The following COG6 variants were observed in gnomAD, a reference collection of about 807,000 sequenced individuals.
COG6 encodes the protein conserved oligomeric Golgi complex subunit 6.
In COG6, 74 loss-of-function variants were observed where a neutral mutation model predicts 88.8. The observed-to-expected ratio is 0.83, with a 90% CI of 0.69 to 1.01. COG6 has a LOEUF of 1.01. COG6 is among the 50% of genes least tolerant of loss of function. The pLI, the probability that COG6 is intolerant of heterozygous loss-of-function variation, is 0.00. For synonymous variants in COG6, 286 were observed against 278.7 expected (o/e 1.03, Z -0.26); for missense variants, 800 against 797.9 (o/e 1.00, Z -0.03).
intron 18 of COG6, among the ~76,000 whole-genome samples, chr13:39,739,161 A>G (rs1879918316): frequency 6.6e-6 from 1 of 152,156 alleles, no homozygotes. Context: ...AGATGAACGT[A>G]AGAACTCAAA....
chr13:39,742,467 G>A (rs201522265), intron 18 of COG6, among the ~76,000 whole-genome samples: 62,698 of 151,288 alleles, frequency 0.41, 13,305 homozygotes, highest in Admixed American at 0.56. Context: ...GTCTCTGATA[G>A]AACAGACTTT....
exon 19 of COG6, chr13:39,790,299 A>G (rs1274348998): frequency 6.6e-6 from 1 of 152,198 alleles, no homozygotes; most frequent in Non-Finnish European, 1.5e-5. Flanking sequence ...GATTGCTGAT[A>G]ACAAAATGCA....
chr13:39,681,499 C>A (rs1297447725), intron 7 of COG6, among the ~76,000 whole-genome samples: 1 of 152,122 alleles, frequency 6.6e-6, no homozygotes, highest in Non-Finnish European at 1.5e-5. Flanking sequence ...ACTATGAAGT[C>A]ATTTTAAGGT....
At chr13:39,755,175 GT>G (rs1166091138), downstream of COG6, among the ~76,000 whole-genome samples, 8 of 152,012 alleles carry the variant, frequency 5.3e-5, no homozygotes, top group Admixed American at 3.3e-4. Context: ...AGTAACCTGA[GT>G]TACTTAAAAA....
At chr13:39,747,421 T>C (rs1297580939) in intron 18 of COG6, among the ~76,000 whole-genome samples, 2 of 152,154 alleles carry the variant, frequency 1.3e-5, no homozygotes, top group Non-Finnish European at 2.9e-5. Context: ...GAGCAGTTCC[T>C]TATTCTTTGC....
chr13:39,724,405 A>G, intron 16 of COG6, 103 bp from the exon 17 acceptor site: 2 of 848,832 alleles, frequency 2.4e-6, no homozygotes, highest in South Asian at 1.5e-5. Flanking sequence ...TGATTTTCCA[A>G]ATTTGGGCAG....
At chr13:39,676,907 G>T (rs537946096) in intron 4 of COG6, among the ~76,000 whole-genome samples, 4 of 152,168 alleles carry the variant, frequency 2.6e-5, no homozygotes, top group South Asian at 2.1e-4. Flanking sequence ...AATTTAAAAG[G>T]TTGTTTTTAT....
intron 8 of COG6, among the ~76,000 whole-genome samples, chr13:39,685,736 T>G (rs905919802): frequency 1.3e-5 from 2 of 152,158 alleles, no homozygotes; most frequent in East Asian, 1.9e-4. Flanking sequence ...TCACACTAAA[T>G]GGATTAATAA....
At chr13:39,743,471 A>G (rs1392223141) in intron 18 of COG6, among the ~76,000 whole-genome samples, 2 of 152,220 alleles carry the variant, frequency 1.3e-5, no homozygotes, top group Admixed American at 6.5e-5. Flanking sequence ...GAATACTATA[A>G]ACACCTCTAT....
At chr13:39,706,555 A>T (rs1255508140) in intron 13 of COG6, among the ~76,000 whole-genome samples, 1 of 152,020 alleles carries the variant, frequency 6.6e-6, no homozygotes, top group African/African-American at 2.4e-5. Context: ...TACAGAAGGG[A>T]TAAAAAGTAA....
At chr13:39,746,924 A>G (rs1179649910) in intron 18 of COG6, among the ~76,000 whole-genome samples, 1 of 152,200 alleles carries the variant, frequency 6.6e-6, no homozygotes, top group Non-Finnish European at 1.5e-5. Context: ...GTGTATGTAT[A>G]TGTGATGTAT....
At chr13:39,692,390 G>A (rs2138017783) in intron 11 of COG6, among the ~76,000 whole-genome samples, 1 of 151,956 alleles carries the variant, frequency 6.6e-6, no homozygotes, top group South Asian at 2.1e-4. Context: ...AAAAACTTTA[G>A]TGTAGTGTAT....
intron 18 of COG6, among the ~76,000 whole-genome samples, chr13:39,766,139 C>T (rs1403021862): frequency 6.6e-6 from 1 of 152,208 alleles, no homozygotes; most frequent in African/African-American, 2.4e-5. Context: ...CCATCTGCCC[C>T]TCCATCTGCC....
intron 8 of COG6, among the ~76,000 whole-genome samples, chr13:39,683,217 TAAAC>T (rs966402673): frequency 6.6e-6 from 1 of 152,178 alleles, no homozygotes; most frequent in African/African-American, 2.4e-5. Flanking sequence ...GAACCAGAGA[TAAAC>T]AAACGCATTT....
intron 11 of COG6, among the ~76,000 whole-genome samples, chr13:39,691,817 T>C (rs1244405571): frequency 6.6e-6 from 1 of 151,988 alleles, no homozygotes; most frequent in Non-Finnish European, 1.5e-5. Context: ...TCTGCTCTTG[T>C]AATCCCACTC....
intron 10 of COG6, among the ~76,000 whole-genome samples, chr13:39,688,543 T>G (rs1317160845): frequency 6.6e-6 from 1 of 152,048 alleles, no homozygotes; most frequent in Non-Finnish European, 1.5e-5. Context: ...ACGCTGACTA[T>G]TGTGAGGACA....
chr13:39,747,676 G>A (rs1290732189), intron 18 of COG6, among the ~76,000 whole-genome samples: 2 of 152,112 alleles, frequency 1.3e-5, no homozygotes, highest in Non-Finnish European at 2.9e-5. Flanking sequence ...CTGTGTTTAT[G>A]TGGTACTGCT....
chr13:39,777,344 C>T (rs1175324799), intron 18 of COG6, among the ~76,000 whole-genome samples: 2 of 152,100 alleles, frequency 1.3e-5, no homozygotes, highest in African/African-American at 4.8e-5. Context: ...AGAGATACCC[C>T]AGGTGAGTTG....
chr13:39,788,753 G>A (rs943122284), exon 19 of COG6: 1 of 164,068 alleles, frequency 6.1e-6, no homozygotes, highest in Non-Finnish European at 1.3e-5. Flanking sequence ...TTCATAGATT[G>A]TTAAAAGACA....
Sources: gnomAD v4.1 joint callset for allele counts (sites outside exome capture counted in the v4.1 genomes callset) on GRCh38, gnomAD v4.1.1 for gene constraint, MANE v1.5 for transcripts, NCBI Gene and HGNC (gene_info 2026-07-23, HGNC 2026-07-21) for gene names.